The following FAM227B variants were observed in gnomAD, a reference collection of about 807,000 sequenced individuals.
The protein encoded by FAM227B is family with sequence similarity 227 member B.
In FAM227B, 88 loss-of-function variants were observed where a neutral mutation model predicts 73.8. The ratio of observed to expected loss-of-function variants is 1.19; its 90% CI spans 1.00 to 1.42. FAM227B has a LOEUF of 1.42. Among genes scored for constraint, FAM227B ranks in the 40% most tolerant of loss-of-function variants. The pLI, the probability that FAM227B is intolerant of heterozygous loss-of-function variation, is 0.00. For synonymous variants in FAM227B, 210 were observed against 190.5 expected, an observed-to-expected ratio of 1.10 and a Z score of -0.84; for missense variants, 632 against 590.9, an observed-to-expected ratio of 1.07 and a Z score of -0.72.
intron 9 of FAM227B, among the ~76,000 whole-genome samples, chr15:49,565,993 G>A (rs1287319461): frequency 6.6e-6 from 1 of 152,186 alleles, no homozygotes; most frequent in Non-Finnish European, 1.5e-5. Flanking sequence ...CATTGGTCCT[G>A]CTGACACCTT....
chr15:49,328,515 A>G lies in FAM227B; in HGVS notation c.*53T>C. ...TAAATATATTGTTACAATTAAACTG[A>G]TACCACTGAATTGTATGCATTATTC... On this transcript the variant is annotated 3_prime_UTR_variant, in exon 16 of 16. Coordinates refer to ENST00000299338, the MANE Select transcript of FAM227B (RefSeq NM_152647.3). 6.3e-7 allele frequency: 1 copy of G among 1,597,384 alleles called. No individual in the cohort carries two copies.
intron 5 of FAM227B, among the ~76,000 whole-genome samples, chr15:49,587,150 C>G (rs1255107208): frequency 6.6e-6 from 1 of 152,042 alleles, no homozygotes. Flanking sequence ...CTATGCAGCC[C>G]TAAGAAACAA....
chr15:49,362,437 CT>C (rs2044404964), intron 13 of FAM227B, among the ~76,000 whole-genome samples: 1 of 152,156 alleles, frequency 6.6e-6, no homozygotes, highest in Admixed American at 6.6e-5. Context: ...AGTTAAATCT[CT>C]TTTCTTCATA....
At chr15:49,591,835 C>T (rs1209278101) in intron 3 of FAM227B, among the ~76,000 whole-genome samples, 7 of 152,116 alleles carry the variant, frequency 4.6e-5, no homozygotes, top group Non-Finnish European at 1.0e-4. Context: ...CATGTATACA[C>T]ATGCACACAC....
chr15:49,354,330 G>A lies in FAM227B; in HGVS notation c.1271+13118C>T, dbSNP rs573488869. 2.6e-5 allele frequency among the ~76,000 whole-genome samples: 4 copies of A among 152,326 alleles called. No homozygotes were observed. The East Asian group carries it at 7.7e-4, about 29-fold the overall frequency. On this transcript the variant is annotated intron_variant, in intron 13 of 15. Transcript: ENST00000299338. ...GGGTGATTTCTGCATTTCCATCTGA[G>A]GTACCGGGTTCATCTCACTAGGGAG... is the stretch of plus-strand genomic sequence containing the variant.
intron 10 of FAM227B, among the ~76,000 whole-genome samples, chr15:49,534,237 C>A (rs759116431): frequency 7.2e-5 from 11 of 151,784 alleles, no homozygotes; most frequent in Non-Finnish European, 1.0e-4. Flanking sequence ...GATTCAGACA[C>A]CTCCCAATAA....
At chr15:49,394,469 G>T (rs1275775712) in intron 11 of FAM227B, among the ~76,000 whole-genome samples, 1 of 152,114 alleles carries the variant, frequency 6.6e-6, no homozygotes, top group Non-Finnish European at 1.5e-5. Context: ...TTGTCTAGGT[G>T]CATGGGAGAA....
Position 49,438,106 on chromosome 15 carries a change from C to A in FAM227B, c.1013-66707G>T, listed in dbSNP as rs567431531. Among the ~76,000 whole-genome samples, 30 of 151,456 alleles carry A rather than the reference C, an allele frequency of 2.0e-4. No homozygotes were observed. The South Asian group carries it at 6.0e-3, about 31-fold the overall frequency. Reference sequence around the variant, plus strand: ...TATGGGAATTAGTGTTTCAGGAGTACCAAGTTCAAGATAGGAAGTAGGAAG... The same window carrying A: ...TATGGGAATTAGTGTTTCAGGAGTAACAAGTTCAAGATAGGAAGTAGGAAG... On this transcript the variant is annotated intron_variant, in intron 11 of 15. Coordinates refer to ENST00000299338, the MANE Select transcript of FAM227B (RefSeq NM_152647.3).
At position 49,375,258 on chromosome 15, in the gene FAM227B, ACT is replaced by A. The variant is rs534855234; in HGVS notation, c.1013-3861_1013-3860del. On this transcript the variant is annotated intron_variant, in intron 11 of 15. Transcript: ENST00000299338. ...TCGCTAGCATCGTTAGGTTTCACTA[ACT>A]CTGCACCAAATTTAGTATATCCAAA... is the stretch of plus-strand genomic sequence containing the variant. 3.0e-3 allele frequency among the ~76,000 whole-genome samples: 453 copies of A among 152,222 alleles called. 6 individuals carry two copies. Among genetic ancestry groups the A allele is most frequent in the African/African-American group, 0.01 (427 of 41,548 alleles).
chr15:49,441,049 T>C (rs2051590563), intron 11 of FAM227B, among the ~76,000 whole-genome samples: 1 of 151,760 alleles, frequency 6.6e-6, no homozygotes, highest in South Asian at 2.1e-4. Flanking sequence ...AACACTTAAA[T>C]ACTTATGAAT....
At chr15:49,463,117 C>T (rs2053949303) in intron 11 of FAM227B, among the ~76,000 whole-genome samples, 1 of 152,220 alleles carries the variant, frequency 6.6e-6, no homozygotes. Flanking sequence ...GATTCTTGCC[C>T]TGGAGTAGGC....
At chr15:49,469,893 T>C (rs1271856186) in intron 11 of FAM227B, among the ~76,000 whole-genome samples, 2 of 152,096 alleles carry the variant, frequency 1.3e-5, no homozygotes, top group African/African-American at 4.8e-5. Flanking sequence ...GAAATGGTGA[T>C]AAAGAGAATG....
chr15:49,470,600 A>T (rs1423270381), intron 11 of FAM227B, among the ~76,000 whole-genome samples: 2 of 151,962 alleles, frequency 1.3e-5, no homozygotes, highest in African/African-American at 2.4e-5. Flanking sequence ...TGTGTTTGAA[A>T]TGATATTTGA....
chr15:49,519,186 G>A (rs1308384810), intron 10 of FAM227B, among the ~76,000 whole-genome samples: 1 of 152,216 alleles, frequency 6.6e-6, no homozygotes, highest in African/African-American at 2.4e-5. Flanking sequence ...ATGGCCTTGG[G>A]CAGCTCCACC....
chr15:49,607,419 G>A (rs2077591061), intron 3 of FAM227B, among the ~76,000 whole-genome samples: 1 of 152,088 alleles, frequency 6.6e-6, no homozygotes, highest in African/African-American at 2.4e-5. Context: ...AAGGTCACAG[G>A]GTAAAATCCC....
chr15:49,536,483 A>C (rs2070286620), intron 10 of FAM227B, among the ~76,000 whole-genome samples: 1 of 151,990 alleles, frequency 6.6e-6, no homozygotes, highest in Non-Finnish European at 1.5e-5. Context: ...ATATGTCCAT[A>C]CTACCCAAAC....
intron 13 of FAM227B, among the ~76,000 whole-genome samples, chr15:49,342,143 G>A (rs773172116): frequency 6.6e-5 from 10 of 152,096 alleles, no homozygotes; most frequent in East Asian, 3.9e-4. Flanking sequence ...GAAGTTCCCC[G>A]TCCCATTATT....
At chr15:49,550,085 CG>C (rs572000179) in intron 9 of FAM227B, among the ~76,000 whole-genome samples, 29,062 of 110,974 alleles carry the variant, frequency 0.26, 6,160 homozygotes, top group African/African-American at 0.4. Flanking sequence ...CCCTCCTGGA[CG>C]GGGGCGGCTG....
At chr15:49,594,364 A>G (rs1455852643) in intron 3 of FAM227B, among the ~76,000 whole-genome samples, 1 of 151,284 alleles carries the variant, frequency 6.6e-6, no homozygotes, top group Non-Finnish European at 1.5e-5. Context: ...CTTTTTTGCA[A>G]CTCTATGGGT....
Sources: gnomAD v4.1 joint callset for allele counts (sites outside exome capture counted in the v4.1 genomes callset) on GRCh38, gnomAD v4.1.1 for gene constraint, MANE v1.5 for transcripts, NCBI Gene and HGNC (gene_info 2026-07-23, HGNC 2026-07-21) for gene names.